The following MACROH2A2 variants were observed in gnomAD, a reference collection of about 807,000 sequenced individuals.
The protein encoded by MACROH2A2 is core histone macro-H2A.2.
In MACROH2A2, 6 loss-of-function variants were observed where a neutral mutation model predicts 37.6. The ratio of observed to expected loss-of-function variants is 0.16; its 90% CI spans 0.09 to 0.32. MACROH2A2 has a LOEUF of 0.32. Among genes scored for constraint, MACROH2A2 ranks in the 10% least tolerant of loss-of-function variants. The probability of loss-of-function intolerance (pLI) is 1.00; values close to 1 mark genes in which losing one functional copy is unlikely to be tolerated. For synonymous variants in MACROH2A2, 192 were observed against 202.7 expected (o/e 0.95, Z 0.45); for missense variants, 290 against 485.9 (o/e 0.60, Z 3.79).
chr10:70,060,664 T>A (rs1235632527), intron 1 of MACROH2A2, among the ~76,000 whole-genome samples: 2 of 152,220 alleles, frequency 1.3e-5, no homozygotes, highest in African/African-American at 4.8e-5. Flanking sequence ...TTTGGGAATC[T>A]CATCTTGGCT....
chr10:70,077,505 C>T (rs2072146546), intron 2 of MACROH2A2, among the ~76,000 whole-genome samples: 1 of 152,014 alleles, frequency 6.6e-6, no homozygotes, highest in African/African-American at 2.4e-5. Context: ...CACTTGAACC[C>T]AGGAGTTGGA....
intron 2 of MACROH2A2, among the ~76,000 whole-genome samples, chr10:70,081,068 CAAAAAAA>C (rs34688764): frequency 2.2e-5 from 1 of 45,842 alleles, no homozygotes; most frequent in Non-Finnish European, 3.9e-5. Flanking sequence ...CCCTGTCTCT[CAAAAAAA>C]AAAAAAAAAA....
chr10:70,094,900 G>T (rs2072265739), intron 5 of MACROH2A2, among the ~76,000 whole-genome samples: 1 of 152,182 alleles, frequency 6.6e-6, no homozygotes, highest in African/African-American at 2.4e-5. Flanking sequence ...AAGGTTATTG[G>T]CTTCAGAGCC....
chr10:70,067,753 G>A (rs2072087029), intron 1 of MACROH2A2, among the ~76,000 whole-genome samples: 2 of 152,172 alleles, frequency 1.3e-5, no homozygotes, highest in Non-Finnish European at 2.9e-5. Flanking sequence ...CCTCTCATAT[G>A]ATGATGACAT....
intron 1 of MACROH2A2, among the ~76,000 whole-genome samples, chr10:70,062,815 T>A (rs1393014818): frequency 6.6e-6 from 1 of 152,122 alleles, no homozygotes; most frequent in Non-Finnish European, 1.5e-5. Context: ...CACCCATAAG[T>A]GGAAGCTAAA....
intron 4 of MACROH2A2, among the ~76,000 whole-genome samples, chr10:70,093,141 T>C (rs1257188187): frequency 6.6e-6 from 1 of 152,144 alleles, no homozygotes. Context: ...TCCCAAAGCA[T>C]TGGAATTATA....
chr10:70,075,733 G>A lies in MACROH2A2; in HGVS notation c.75G>A (p.Val25=), dbSNP rs2072135593. Reference sequence around the variant, plus strand: ...CTAGGGCAGGTGTCATCTTTCCAGTGGGGAGGCTGATGCGTTATCTGAAGA... The same window carrying A: ...CTAGGGCAGGTGTCATCTTTCCAGTAGGGAGGCTGATGCGTTATCTGAAGA... ...RSARAGVIFP[V]GRLMRYLKKG... Residue 25 remains valine (V), a synonymous_variant, in exon 2 of 9, where the codon GTG becomes GTA. Coordinates refer to ENST00000373255, the MANE Select transcript of MACROH2A2 (RefSeq NM_018649.3). This position sits in a 1 kb window ranked among gnomAD's most constrained non-coding sequence, Gnocchi z 5.0. The A allele has an allele frequency of 6.2e-7, 1 of 1,614,102 alleles. No individual in the cohort carries two copies. The highest frequency in any genetic ancestry group is 8.5e-7 in the Non-Finnish European group (1 of 1,179,958).
Position 70,107,228 on chromosome 10 carries a change from C to T in MACROH2A2, c.779-1805C>T, listed in dbSNP as rs116459206. Among the ~76,000 whole-genome samples, 341 of 152,258 alleles carry T rather than the reference C, an allele frequency of 2.2e-3. 1 individual carries two copies. The highest frequency in any genetic ancestry group is 7.6e-3 in the African/African-American group (317 of 41,558). On this transcript the variant is annotated intron_variant, in intron 7 of 8. Transcript: ENST00000373255. The surrounding 1 kb of genome is among the most constrained non-coding windows in gnomAD (Gnocchi z 4.4). Reference sequence around the variant, plus strand: ...GGAGCCTACAGCCTCCCCTGATGGACGAAGGGGTCCCTTGGATTTGGCTTC... The same window carrying T: ...GGAGCCTACAGCCTCCCCTGATGGATGAAGGGGTCCCTTGGATTTGGCTTC...
At chr10:70,085,888 T>C (rs2072207672) in intron 2 of MACROH2A2, among the ~76,000 whole-genome samples, 1 of 152,232 alleles carries the variant, frequency 6.6e-6, no homozygotes, top group Admixed American at 6.5e-5. Context: ...CCAAGATCAA[T>C]AAAGTCACTC....
At chr10:70,083,562 A>G (rs2072194091) in intron 2 of MACROH2A2, among the ~76,000 whole-genome samples, 1 of 152,046 alleles carries the variant, frequency 6.6e-6, no homozygotes, top group African/African-American at 2.4e-5. Context: ...AGGCATGGCC[A>G]GGAAGAGAAG....
chr10:70,096,263 T>C (rs1298203942), intron 6 of MACROH2A2, among the ~76,000 whole-genome samples: 1 of 152,224 alleles, frequency 6.6e-6, no homozygotes, highest in Non-Finnish European at 1.5e-5. Context: ...TTGTATTCAT[T>C]CATTTTCCTT....
At chr10:70,055,232 G>C (rs1428753423) in intron 1 of MACROH2A2, among the ~76,000 whole-genome samples, 1 of 152,194 alleles carries the variant, frequency 6.6e-6, no homozygotes, top group African/African-American at 2.4e-5. Context: ...TTGTTACCGG[G>C]GAGGGATGTG....
chr10:70,103,338 C>A (rs1357268683), intron 7 of MACROH2A2, among the ~76,000 whole-genome samples: 1 of 152,174 alleles, frequency 6.6e-6, no homozygotes, highest in Non-Finnish European at 1.5e-5. Context: ...AATAGCTGCT[C>A]TGCACAGAAT....
intron 2 of MACROH2A2, among the ~76,000 whole-genome samples, chr10:70,083,085 C>T (rs1332363440): frequency 6.6e-6 from 1 of 151,794 alleles, no homozygotes; most frequent in Non-Finnish European, 1.5e-5. Flanking sequence ...AGCCCCCCTG[C>T]AGGAGGGGGA....
At chr10:70,092,572 G>A (rs2072251880) in intron 4 of MACROH2A2, among the ~76,000 whole-genome samples, 1 of 152,170 alleles carries the variant, frequency 6.6e-6, no homozygotes, top group Non-Finnish European at 1.5e-5. Context: ...CAATGACTTC[G>A]TAGCAGACAC....
intron 4 of MACROH2A2, among the ~76,000 whole-genome samples, chr10:70,092,261 C>T (rs1261731357): frequency 6.6e-6 from 1 of 151,972 alleles, no homozygotes; most frequent in Non-Finnish European, 1.5e-5. Flanking sequence ...TTCCTGCCTC[C>T]GGAACTATGA....
chr10:70,059,235 G>A lies in MACROH2A2; in HGVS notation c.-60+6235G>A, dbSNP rs2072036046. On this transcript the variant is annotated intron_variant, in intron 1 of 8. Transcript: ENST00000373255. ...GGTGAGCTGGTGCAATGGTTCTCAG[G>A]TGGGGCTCCACAGAACCCAGTGCTC... 2.0e-5 allele frequency among the ~76,000 whole-genome samples: 3 copies of A among 152,146 alleles called. No homozygotes were observed. In the South Asian group the frequency reaches 6.2e-4, roughly 32 times the overall value.
At chr10:70,089,439 C>T (rs753171073) in intron 2 of MACROH2A2, among the ~76,000 whole-genome samples, 2 of 152,164 alleles carry the variant, frequency 1.3e-5, no homozygotes, top group African/African-American at 2.4e-5. Flanking sequence ...GTGTCCTCAG[C>T]CCACCATTAG....
At chr10:70,106,573 G>T (rs1052208492) in intron 7 of MACROH2A2, among the ~76,000 whole-genome samples, 7 of 152,060 alleles carry the variant, frequency 4.6e-5, no homozygotes, top group African/African-American at 1.4e-4. Context: ...GAGGTGGGTG[G>T]ATCACTTGAG....
Sources: allele counts gnomAD v4.1 joint callset (sites outside exome capture counted in the v4.1 genomes callset), GRCh38; gene constraint gnomAD v4.1.1; non-coding constraint Gnocchi (gnomAD v3.1); transcripts MANE v1.5; gene names NCBI Gene and HGNC (gene_info 2026-07-23, HGNC 2026-07-21).